Variants in SMO observed in about 807,000 individuals in gnomAD.
SMO encodes protein smoothened.
A neutral mutation model predicts 81.6 loss-of-function variants in SMO; 40 were observed. The observed-to-expected ratio is 0.49, with a 90% CI of 0.38 to 0.64. The LOEUF is 0.64. Among genes scored for constraint, SMO ranks in the 30% least tolerant of loss-of-function variants. The probability of loss-of-function intolerance (pLI) is 0.00; values close to 1 mark genes in which losing one functional copy is unlikely to be tolerated. For missense variants in SMO, 916 were observed against 1,061.1 expected (o/e 0.86, Z 1.90); for synonymous variants, 434 against 432.1 (o/e 1.00, Z -0.05).
chr7:129,190,918 A>G (rs1380326270), intron 1 of SMO, among the ~76,000 whole-genome samples: 1 of 152,250 alleles, frequency 6.6e-6, no homozygotes, highest in African/African-American at 2.4e-5. Context: ...GGGTATACAT[A>G]GAAGATAAAA....
rs2150638464 is a variant in SMO at position 129,189,448 on chromosome 7, G to T, written c.297G>T (p.Gln99His). ...STLLAGDSDS[Q>H]EEAHGKLVLW... ...TGCTGGCCGGAGACTCGGACTCCCA[G>T]GAGGAAGCGCACGGCAAGCTCGTGC... Residue 99 changes from glutamine to histidine, a missense_variant, in exon 1 of 12, where the codon CAG (glutamine) becomes CAT (histidine). By Grantham distance (24) the Gln-to-His change is conservative (BLOSUM62 0). This residue lies in a region of SMO where 146 missense variants were observed against 149.9 expected (regional missense o/e 0.97). Transcript: ENST00000249373. This position sits in a 1 kb window ranked among gnomAD's most constrained non-coding sequence, Gnocchi z 4.7. The T allele has an allele frequency of 6.5e-7, 1 of 1,538,624 alleles. No individual in the cohort carries two copies.
chr7:129,190,981 A>G (rs1203696486), intron 1 of SMO, among the ~76,000 whole-genome samples: 2 of 152,196 alleles, frequency 1.3e-5, no homozygotes, highest in African/African-American at 4.8e-5. Flanking sequence ...AATAATAATA[A>G]TAATAAAAAG....
At chr7:129,209,008 G>T in intron 7 of SMO, 157 bp downstream of exon 7, 1 of 633,424 alleles carries the variant, frequency 1.6e-6, no homozygotes, top group South Asian at 1.8e-5. Context: ...GGTAGTGGCA[G>T]CTCAAAAGAA....
At position 129,189,113 on chromosome 7, in the gene SMO, G is replaced by A. The variant is rs1350946308; in HGVS notation, c.-39G>A. The A allele has an allele frequency of 1.7e-6, 2 of 1,201,882 alleles. No individual in the cohort carries two copies. 74.5% of individuals were successfully genotyped at this position (1,201,882 alleles called of 1,614,324 possible). ...GGCCGGGGGGCTCCGAGGAGCAGGC[G>A]GGGGCGCCGGGGCTTTTGCTGAGTT... On this transcript the variant is annotated 5_prime_UTR_variant, in exon 1 of 12. Transcript: ENST00000249373. This position sits in a 1 kb window ranked among gnomAD's most constrained non-coding sequence, Gnocchi z 4.7.
At chr7:129,198,862 T>C (rs1793622346) in intron 1 of SMO, among the ~76,000 whole-genome samples, 4 of 152,232 alleles carry the variant, frequency 2.6e-5, no homozygotes, top group African/African-American at 9.6e-5. Flanking sequence ...ACAGAAGATA[T>C]CCTCATTGTT....
In SMO at chr7:129,210,229, C is replaced by A; in HGVS notation, c.1467-134C>A. 1.4e-6 allele frequency: 1 copy of A among 691,374 alleles called. No homozygotes were observed. Among genetic ancestry groups the A allele is most frequent in the Non-Finnish European group, 2.5e-6 (1 of 406,682 alleles). 42.8% of individuals were successfully genotyped at this position (691,374 alleles called of 1,614,324 possible). A position where few individuals can be genotyped will look rare whatever the true frequency, so the allele number is the denominator to read the frequency against. On this transcript the variant is annotated intron_variant, in intron 8 of 11. Transcript: ENST00000249373. The surrounding 1 kb of genome is among the most constrained non-coding windows in gnomAD (Gnocchi z 4.7). ...GCTGAAGCAGGAGATTGCCTGAGCC[C>A]AGGAGTTGGAAGCTGCAGTGGGTTG...
At chr7:129,200,188 C>A (rs1041959532) in intron 1 of SMO, among the ~76,000 whole-genome samples, 1 of 152,136 alleles carries the variant, frequency 6.6e-6, no homozygotes, top group East Asian at 1.9e-4. Flanking sequence ...GAGACCGAGG[C>A]GGGTGGATCA....
rs1793890796 is a variant in SMO at position 129,212,396 on chromosome 7, A to C, written c.2309A>C (p.His770Pro). The change falls in exon 12 of 12, where the codon CAC (histidine) becomes CCC (proline). Residue 770 changes from histidine (H) to proline (P), a missense_variant. His to Pro is a moderately conservative substitution (Grantham distance 77). This residue lies in a region of SMO where 324 missense variants were observed against 312.9 expected (regional missense o/e 1.04). Transcript: ENST00000249373. The surrounding 1 kb of genome is among the most constrained non-coding windows in gnomAD (Gnocchi z 5.0). ...CGCCGACAGGGCCTGGGGCCTATTC[A>C]CTCCCGCACCAACCTGATGGACACA... is the stretch of plus-strand genomic sequence containing the variant. ...HGRRQGLGPI[H>P]SRTNLMDTEL... 6.2e-7 allele frequency: 1 copy of C among 1,613,626 alleles called. No homozygotes were observed. Among genetic ancestry groups the C allele is most frequent in the Non-Finnish European group, 8.5e-7 (1 of 1,179,974 alleles).
At position 129,206,677 on chromosome 7, in the gene SMO, C is replaced by T. The variant is rs2150651071; in HGVS notation, c.1264+90C>T. 2 of 1,418,780 alleles carry T rather than the reference C, an allele frequency of 1.4e-6. No individual in the cohort carries two copies. The highest frequency in any genetic ancestry group is 2.6e-5 in the South Asian group (2 of 78,332). The allele number at this position is 1,418,780 out of a possible 1,614,324, so 87.9% of individuals were successfully genotyped here. A position where few individuals can be genotyped will look rare whatever the true frequency, so the allele number is the denominator to read the frequency against. On this transcript the variant is annotated intron_variant, in intron 6 of 11. Coordinates refer to ENST00000249373, the MANE Select transcript of SMO (RefSeq NM_005631.5). The surrounding 1 kb of genome is among the most constrained non-coding windows in gnomAD (Gnocchi z 4.4). The stretch of plus-strand genomic sequence containing the variant: ...TGGGAGCTGCCAGCACGGCTGCCCC[C>T]ATGCTGAAACCCCAGCTAGCTCCTA...
rs1005436252 is a variant in SMO, at chr7:129,189,043, A to G, written c.-109A>G. The G allele has an allele frequency of 9.8e-6, 10 of 1,022,580 alleles. No individual in the cohort carries two copies. In the African/African-American group the frequency reaches 1.7e-4, roughly 17 times the overall value. 63.3% of individuals were successfully genotyped at this position (1,022,580 alleles called of 1,614,324 possible). On this transcript the variant is annotated 5_prime_UTR_variant, in exon 1 of 12. Coordinates refer to ENST00000249373, the MANE Select transcript of SMO (RefSeq NM_005631.5). The surrounding 1 kb of genome is among the most constrained non-coding windows in gnomAD (Gnocchi z 4.7). ...GCCCGGGCCCGGATTCTCTGGGCGC[A>G]CAGGTCGCCTGAGCCGCCTCCGCGG...
Position 129,189,611 on chromosome 7 carries a change from C to A in SMO, c.331+129C>A. 1 of 1,027,740 alleles carries A rather than the reference C, an allele frequency of 9.7e-7. No individual in the cohort carries two copies. Among genetic ancestry groups the A allele is most frequent in the Non-Finnish European group, 1.4e-6 (1 of 721,840 alleles). 63.7% of individuals were successfully genotyped at this position (1,027,740 alleles called of 1,614,324 possible). A position where few individuals can be genotyped will look rare whatever the true frequency, so the allele number is the denominator to read the frequency against. ...ACAGCACCCGGGAGAGTTGGAGGGA[C>A]AGATCCCGAAACTTTGGGGGCAGGT... On this transcript the variant is annotated intron_variant, in intron 1 of 11. Transcript: ENST00000249373. The surrounding 1 kb of genome is among the most constrained non-coding windows in gnomAD (Gnocchi z 4.7).
In SMO at chr7:129,205,243, G is replaced by A. The variant is rs1432526925; in HGVS notation, c.578G>A (p.Cys193Tyr). Residue 193 changes from cysteine (C) to tyrosine (Y), a missense_variant, in exon 3 of 12, where the codon TGC becomes TAC. Physicochemically the swap from Cys to Tyr is radical, Grantham distance 194. Transcript: ENST00000249373. ...ATCAAGTTCAACAGTTCAGGCCAGT[G>A]CGAAGTGCCCTTGGTTCGGACAGAC... The part of the protein sequence containing the change: ...QNIKFNSSGQ[C>Y]EVPLVRTDNP... 6.2e-7 allele frequency: 1 copy of A among 1,614,204 alleles called. No individual in the cohort carries two copies. Among genetic ancestry groups the A allele is most frequent in the Non-Finnish European group, 8.5e-7 (1 of 1,180,046 alleles).
chr7:129,211,494 A>C lies in SMO; in HGVS notation c.1802-142A>C. On this transcript the variant is annotated intron_variant, in intron 10 of 11. Transcript: ENST00000249373. This position sits in a 1 kb window ranked among gnomAD's most constrained non-coding sequence, Gnocchi z 4.6. ...CTCTTCAGATTCTGAAGGGGTAGAG[A>C]TCACCGTGGTTACAGGGTGAGCTTT... 1.1e-6 allele frequency: 1 copy of C among 907,158 alleles called. No homozygotes were observed. The highest frequency in any genetic ancestry group is 1.8e-6 in the Non-Finnish European group (1 of 560,986). The allele number at this position is 907,158 out of a possible 1,614,324, so 56.2% of individuals were successfully genotyped here.
rs751195138 is a variant in SMO, at chr7:129,210,639, C to G, written c.1652+91C>G. On this transcript the variant is annotated intron_variant, in intron 9 of 11. Coordinates refer to ENST00000249373, the MANE Select transcript of SMO (RefSeq NM_005631.5). This position sits in a 1 kb window ranked among gnomAD's most constrained non-coding sequence, Gnocchi z 4.7. ...AGGTTTTGTCGGGTCCTGCCTCTAG[C>G]ACAGCCTTGGTCAGTGGTTCACCGC... 1 of 1,076,960 alleles carries G rather than the reference C, an allele frequency of 9.3e-7. No individual in the cohort carries two copies. Among genetic ancestry groups the G allele is most frequent in the Non-Finnish European group, 1.4e-6 (1 of 723,812 alleles). 66.7% of individuals were successfully genotyped at this position (1,076,960 alleles called of 1,614,324 possible).
chr7:129,201,774 A>G (rs978581398), intron 1 of SMO, among the ~76,000 whole-genome samples: 25 of 151,824 alleles, frequency 1.6e-4, no homozygotes, highest in African/African-American at 5.3e-4. Flanking sequence ...TCCACCTCCT[A>G]GGTTCAAGCA....
intron 2 of SMO, among the ~76,000 whole-genome samples, chr7:129,203,993 TA>T (rs2150647246): frequency 6.6e-6 from 1 of 151,822 alleles, no homozygotes; most frequent in South Asian, 2.1e-4. Flanking sequence ...TCAATGAAAA[TA>T]ATAACAGTAA....
At position 129,193,566 on chromosome 7, in the gene SMO, G is replaced by A. The variant is rs965828889; in HGVS notation, c.331+4084G>A. Reference sequence around the variant, plus strand: ...GAGGTCAGGAGATCGAGACCATCCCGGCAAACAGGGTGAAACCCCGTCTCT... The same window carrying A: ...GAGGTCAGGAGATCGAGACCATCCCAGCAAACAGGGTGAAACCCCGTCTCT... On this transcript the variant is annotated intron_variant, in intron 1 of 11. Coordinates refer to ENST00000249373, the MANE Select transcript of SMO (RefSeq NM_005631.5). Among the ~76,000 whole-genome samples the A allele has an allele frequency of 2.7e-5, 4 of 150,496 alleles. No individual in the cohort carries two copies. The East Asian group carries it at 5.9e-4, about 22-fold the overall frequency.
At chr7:129,201,811 G>A (rs1793674760) in intron 1 of SMO, among the ~76,000 whole-genome samples, 1 of 152,026 alleles carries the variant, frequency 6.6e-6, no homozygotes, top group South Asian at 2.1e-4. Context: ...CTCCCGAGTA[G>A]CTGGGATTAC....
rs2150648110 is a variant in SMO, at chr7:129,205,234, C to G, written c.569C>G (p.Ser190Ter). Residue 190 changes from serine (S) to a stop codon, truncating the protein, a stop_gained, in exon 3 of 12, where the codon TCA becomes TGA. Coordinates refer to ENST00000249373, the MANE Select transcript of SMO (RefSeq NM_005631.5). LOFTEE classifies it high-confidence loss of function. ...NEVQNIKFNS[S>*]GQCEVPLVRT... is the part of the protein sequence containing the mutation. ...GTGCAGAACATCAAGTTCAACAGTT[C>G]AGGCCAGTGCGAAGTGCCCTTGGTT... The G allele has an allele frequency of 1.9e-6, 3 of 1,614,202 alleles. No homozygotes were observed. The highest frequency in any genetic ancestry group is 2.5e-6 in the Non-Finnish European group (3 of 1,180,036).
Sources: gnomAD v4.1 joint callset for allele counts (sites outside exome capture counted in the v4.1 genomes callset) on GRCh38, gnomAD v4.1.1 for gene constraint, gnomAD v4.1.1 regional missense constraint, Gnocchi (gnomAD v3.1) non-coding constraint, MANE v1.5 for transcripts, NCBI Gene and HGNC (gene_info 2026-07-23, HGNC 2026-07-21) for gene names.